Variants in PDE4B observed in about 807,000 individuals in gnomAD.
PDE4B encodes 3',5'-cyclic-AMP phosphodiesterase 4B.
Under a neutral mutation model 82.2 loss-of-function variants are expected in PDE4B, and 20 were observed. The observed-to-expected ratio is 0.24, with a 90% confidence interval of 0.17 to 0.35. The LOEUF is 0.35. Ranked by LOEUF, PDE4B falls within the 10% of genes least tolerant of loss-of-function variation. The pLI is 1.00. For missense variants in PDE4B, 655 were observed against 907.2 expected, an observed-to-expected ratio of 0.72 and a Z score of 3.57; for synonymous variants, 320 against 318.9, an observed-to-expected ratio of 1.00 and a Z score of -0.04.
chr1:65,946,799 C>T (rs981886689), intron 3 of PDE4B, among the ~76,000 whole-genome samples: 3 of 151,946 alleles, frequency 2.0e-5, no homozygotes, highest in African/African-American at 4.8e-5. Context: ...AAAAGTTACA[C>T]CTCTTTGCAT....
intron 3 of PDE4B, among the ~76,000 whole-genome samples, chr1:66,194,411 C>T (rs1169051342): frequency 6.6e-6 from 1 of 151,958 alleles, no homozygotes; most frequent in Non-Finnish European, 1.5e-5. Context: ...GAAAACTTTT[C>T]CTTTAAACAA....
chr1:66,152,060 A>G (rs984721476), intron 3 of PDE4B, among the ~76,000 whole-genome samples: 7 of 152,244 alleles, frequency 4.6e-5, no homozygotes, highest in Admixed American at 6.5e-5. Flanking sequence ...GCTGTAAAAA[A>G]TAGAAATGAT....
At chr1:66,064,699 T>C (rs2100907130) in intron 3 of PDE4B, among the ~76,000 whole-genome samples, 1 of 152,076 alleles carries the variant, frequency 6.6e-6, no homozygotes, top group South Asian at 2.1e-4. Flanking sequence ...TTGCAGTGTG[T>C]TTTACTGAAT....
intron 1 of PDE4B, among the ~76,000 whole-genome samples, chr1:65,822,900 G>T (rs999194865): frequency 6.6e-6 from 1 of 152,124 alleles, no homozygotes; most frequent in Non-Finnish European, 1.5e-5. Flanking sequence ...TGTTATAGCA[G>T]CAGAAACATA....
intron 1 of PDE4B, among the ~76,000 whole-genome samples, chr1:65,820,214 TG>T: frequency 6.6e-6 from 1 of 152,282 alleles, no homozygotes. Context: ...AATATTCAAG[TG>T]GGCTCATTCT....
At chr1:66,217,248 G>C (rs1179361626) in intron 3 of PDE4B, among the ~76,000 whole-genome samples, 1 of 151,528 alleles carries the variant, frequency 6.6e-6, no homozygotes, top group Non-Finnish European at 1.5e-5. Flanking sequence ...GGCTAGGCAA[G>C]AAAAAAAAGT....
chr1:66,328,262 AGC>A (rs1192909773), intron 7 of PDE4B, among the ~76,000 whole-genome samples: 1 of 152,224 alleles, frequency 6.6e-6, no homozygotes, highest in Non-Finnish European at 1.5e-5. Flanking sequence ...GAAAGAAGAG[AGC>A]AAGAGAAGGG....
chr1:66,099,749 T>A (rs1409518152), intron 3 of PDE4B, among the ~76,000 whole-genome samples: 1 of 152,116 alleles, frequency 6.6e-6, no homozygotes, highest in Non-Finnish European at 1.5e-5. Flanking sequence ...CTACAATATA[T>A]AAAATGTTGA....
chr1:66,035,546 T>C (rs551547605), intron 3 of PDE4B, among the ~76,000 whole-genome samples: 20 of 152,302 alleles, frequency 1.3e-4, no homozygotes, highest in African/African-American at 4.8e-4. Flanking sequence ...AGTTTAACTT[T>C]TTTAGTTTCC....
chr1:66,278,145 T>C lies in PDE4B; in HGVS notation c.634+12058T>C, dbSNP rs1043968876. On this transcript the variant is annotated intron_variant, in intron 7 of 16. Coordinates refer to ENST00000341517, the MANE Select transcript of PDE4B (RefSeq NM_002600.4). ...GGCACAAGGCAGGTGTTCAAAAATA[T>C]TTACTGAAAAAAGAATGAACAAGGA... is the stretch of plus-strand genomic sequence containing the variant. Among the ~76,000 whole-genome samples the C allele has an allele frequency of 4.6e-5, 7 of 152,180 alleles. No individual in the cohort carries two copies. In the East Asian group the frequency reaches 7.7e-4, roughly 17 times the overall value.
rs574098601 is a variant in PDE4B, at chr1:65,961,711, G to A, written c.281+42876G>A. On this transcript the variant is annotated intron_variant, in intron 3 of 16. Coordinates refer to ENST00000341517, the MANE Select transcript of PDE4B (RefSeq NM_002600.4). ...GGGAAGACAGATGAGTGAAAAATGC[G>A]TAGTAATGTCAGAGGGCTTATGAAA... 4.4e-4 allele frequency among the ~76,000 whole-genome samples: 67 copies of A among 152,248 alleles called. 1 individual carries two copies. The South Asian group carries it at 0.011, about 25-fold the overall frequency.
intron 1 of PDE4B, among the ~76,000 whole-genome samples, chr1:65,895,131 C>T (rs1360594925): frequency 6.6e-6 from 1 of 152,064 alleles, no homozygotes; most frequent in Non-Finnish European, 1.5e-5. Context: ...TGGAATTTAT[C>T]ACAAAGAGGC....
chr1:66,281,084 A>G (rs1383165086), intron 7 of PDE4B, among the ~76,000 whole-genome samples: 1 of 152,152 alleles, frequency 6.6e-6, no homozygotes, highest in African/African-American at 2.4e-5. Context: ...GCTCACTCTT[A>G]TTTATCTTCT....
intron 1 of PDE4B, among the ~76,000 whole-genome samples, chr1:65,867,549 G>A (rs1442438267): frequency 6.6e-6 from 1 of 152,170 alleles, no homozygotes; most frequent in African/African-American, 2.4e-5. Flanking sequence ...GGGAGCTGGG[G>A]CATCTGAGCT....
intron 1 of PDE4B, among the ~76,000 whole-genome samples, chr1:65,878,329 C>T (rs779349808): frequency 1.3e-5 from 2 of 152,180 alleles, no homozygotes; most frequent in Non-Finnish European, 1.5e-5. Context: ...GTGGCAATTC[C>T]TCAAGGATCT....
intron 1 of PDE4B, among the ~76,000 whole-genome samples, chr1:65,858,911 A>G (rs2100246106): frequency 6.6e-6 from 1 of 152,294 alleles, no homozygotes; most frequent in Middle Eastern, 3.4e-3. Flanking sequence ...ATAGACCATT[A>G]TTAAGAGAGA....
intron 12 of PDE4B, among the ~76,000 whole-genome samples, chr1:66,365,375 C>T (rs905372629): frequency 1.3e-4 from 20 of 152,086 alleles, no homozygotes; most frequent in Non-Finnish European, 5.9e-5. Flanking sequence ...ATCACTGGTC[C>T]AAGAAACAAA....
intron 3 of PDE4B, among the ~76,000 whole-genome samples, chr1:66,169,887 G>A (rs1391889930): frequency 6.6e-6 from 1 of 152,188 alleles, no homozygotes; most frequent in African/African-American, 2.4e-5. Context: ...TTTGGCTACA[G>A]ATTGATTTTC....
At chr1:65,881,852 C>T (rs1255845154) in intron 1 of PDE4B, among the ~76,000 whole-genome samples, 1 of 152,112 alleles carries the variant, frequency 6.6e-6, no homozygotes, top group African/African-American at 2.4e-5. Context: ...GGCACAGATA[C>T]ATTTATACAG....
Sources: gnomAD v4.1 joint callset for allele counts (sites outside exome capture counted in the v4.1 genomes callset) on GRCh38, gnomAD v4.1.1 for gene constraint, MANE v1.5 for transcripts, NCBI Gene and HGNC (gene_info 2026-07-23, HGNC 2026-07-21) for gene names.